Variants in PRDM11 observed in about 807,000 individuals in gnomAD.
The protein encoded by PRDM11 is PR/SET domain 11, also known as PR domain-containing protein 11.
Under a neutral mutation model 97.8 loss-of-function variants are expected in PRDM11, and 20 were observed. That is an observed-to-expected ratio of 0.20 (90% CI 0.14 to 0.30). The LOEUF (loss-of-function observed/expected upper bound fraction) is 0.30. Among genes scored for constraint, PRDM11 ranks in the 10% least tolerant of loss-of-function variants. The probability of loss-of-function intolerance (pLI) is 1.00; values close to 1 mark genes in which losing one functional copy is unlikely to be tolerated. For synonymous variants in PRDM11, 599 were observed against 637.7 expected, an observed-to-expected ratio of 0.94 and a Z score of 0.91; for missense variants, 1,139 against 1,555.2, an observed-to-expected ratio of 0.73 and a Z score of 4.50.
chr11:45,109,803 G>C (rs1390712363), intron 1 of PRDM11, among the ~76,000 whole-genome samples: 3 of 152,168 alleles, frequency 2.0e-5, no homozygotes, highest in Non-Finnish European at 4.4e-5. Flanking sequence ...AGCACTAGAT[G>C]GGGAAGGGTG....
Position 45,213,773 on chromosome 11 carries a change from A to G in PRDM11, c.555-5797A>G, listed in dbSNP as rs77274452. The G allele has an allele frequency of 2.3e-3, 1,053 of 451,796 alleles. 8 individuals are homozygous for G. The highest frequency in any genetic ancestry group is 0.019 in the African/African-American group (961 of 50,082). 28.0% of individuals were successfully genotyped at this position (451,796 alleles called of 1,614,324 possible). On this transcript the variant is annotated intron_variant, in intron 5 of 7. Coordinates refer to ENST00000683152, the MANE Select transcript of PRDM11 (RefSeq NM_001384648.1). Reference sequence around the variant, plus strand: ...GATCATTTTTATCATCATCATCTGTATAAGACAAATGACACAGCCAGTTAG... The same window carrying G: ...GATCATTTTTATCATCATCATCTGTGTAAGACAAATGACACAGCCAGTTAG...
chr11:45,145,725 T>TG (rs1397108203), upstream of PRDM11, among the ~76,000 whole-genome samples: 2 of 152,136 alleles, frequency 1.3e-5, no homozygotes, highest in Non-Finnish European at 2.9e-5. Flanking sequence ...AGGGGTTGAT[T>TG]GGGGAATGGT....
chr11:45,125,472 C>T (rs1852545340), intron 1 of PRDM11, among the ~76,000 whole-genome samples: 1 of 152,192 alleles, frequency 6.6e-6, no homozygotes, highest in Non-Finnish European at 1.5e-5. Context: ...CTCCTGTGGG[C>T]ATTTAGTGCT....
At chr11:45,137,919 T>TGCACACATACACACAC in intron 1 of PRDM11, among the ~76,000 whole-genome samples, 1 of 152,256 alleles carries the variant, frequency 6.6e-6, no homozygotes, top group South Asian at 2.1e-4. Flanking sequence ...TCTCTCTGCG[T>TGCACACATACACACAC]GCACACATAC....
chr11:45,180,710 C>G (rs1033438752), intron 1 of PRDM11, among the ~76,000 whole-genome samples: 2 of 149,760 alleles, frequency 1.3e-5, no homozygotes, highest in Non-Finnish European at 3.0e-5. Context: ...CGGGCCGGGC[C>G]GGGCAGGGAG....
intron 4 of PRDM11, among the ~76,000 whole-genome samples, chr11:45,190,772 T>G (rs1041864478): frequency 1.3e-5 from 2 of 152,150 alleles, no homozygotes; most frequent in Admixed American, 6.5e-5. Flanking sequence ...TCAAATGAAA[T>G]TTGAAAGTCA....
At chr11:45,128,902 G>C (rs558006245) in intron 1 of PRDM11, among the ~76,000 whole-genome samples, 3 of 152,170 alleles carry the variant, frequency 2.0e-5, no homozygotes, top group Admixed American at 6.5e-5. Context: ...TCACTCATAA[G>C]CATAAATGTG....
chr11:45,140,147 C>G, intron 1 of PRDM11, among the ~76,000 whole-genome samples: 1 of 152,152 alleles, frequency 6.6e-6, no homozygotes, highest in East Asian at 1.9e-4. Context: ...TGAAGATCAT[C>G]CTTTAAATTG....
chr11:45,115,176 T>C (rs1318218717), intron 1 of PRDM11, among the ~76,000 whole-genome samples: 1 of 151,992 alleles, frequency 6.6e-6, no homozygotes, highest in African/African-American at 2.4e-5. Context: ...TCTATATATA[T>C]ATAAAATAAA....
intron 1 of PRDM11, among the ~76,000 whole-genome samples, chr11:45,115,436 G>A (rs1342003521): frequency 6.6e-6 from 1 of 152,038 alleles, no homozygotes; most frequent in Non-Finnish European, 1.5e-5. Context: ...CAGCAAAATT[G>A]ATAGGCCTAT....
At chr11:45,111,028 C>T (rs551987476) in intron 1 of PRDM11, among the ~76,000 whole-genome samples, 7 of 152,092 alleles carry the variant, frequency 4.6e-5, no homozygotes, top group Admixed American at 3.3e-4. Context: ...TACCATAAAA[C>T]TCAGCTGCCA....
Position 45,219,679 on chromosome 11 carries a change from CG to C in PRDM11, c.667del (p.Val223SerfsTer8). 1 of 1,614,016 alleles carries C rather than the reference CG, an allele frequency of 6.2e-7. No individual in the cohort carries two copies. The highest frequency in any genetic ancestry group is 8.5e-7 in the Non-Finnish European group (1 of 1,180,006). On this transcript the variant is annotated frameshift_variant, in exon 6 of 8. Transcript: ENST00000683152. LOFTEE classifies it high-confidence loss of function. This position sits in a 1 kb window ranked among gnomAD's most constrained non-coding sequence, Gnocchi z 4.2. ...CRDIRPGEWL[R>X]VWYSEDYMKR... is the part of the protein sequence containing the mutation. ...GGACATCCGGCCTGGGGAGTGGCTG[CG>C]GGTCTGGTACAGCGAGGACTACATG...
chr11:45,207,961 G>C (rs1362181709), intron 5 of PRDM11, among the ~76,000 whole-genome samples: 1 of 152,164 alleles, frequency 6.6e-6, no homozygotes, highest in Admixed American at 6.5e-5. Context: ...CTAGTTAAAA[G>C]GGTGACAGAG....
Position 45,226,896 on chromosome 11 carries a change from C to T in PRDM11, c.2271C>T (p.Cys757=), listed in dbSNP as rs908279504. 1 of 1,533,952 alleles carries T rather than the reference C, an allele frequency of 6.5e-7. No individual in the cohort carries two copies. The highest frequency in any genetic ancestry group is 8.7e-7 in the Non-Finnish European group (1 of 1,146,726). ...GCAAGACGCTGCCCTGGCTGCTGTG[C>T]CTGCCCTTCATGGTGCACCGGCCCC... ...TIRKTLPWLL[C]LPFMVHRPHL... is the part of the protein sequence containing the mutation. Residue 757 remains cysteine, a synonymous_variant, in exon 8 of 8, where the codon TGC becomes TGT. Transcript: ENST00000683152.
chr11:45,154,309 T>C (rs1293956870), intron 1 of PRDM11, among the ~76,000 whole-genome samples: 1 of 152,144 alleles, frequency 6.6e-6, no homozygotes, highest in East Asian at 1.9e-4. Flanking sequence ...TGAGCTGAGA[T>C]CGCACCACTG....
At chr11:45,117,593 T>C (rs1852331184) in intron 1 of PRDM11, among the ~76,000 whole-genome samples, 1 of 151,658 alleles carries the variant, frequency 6.6e-6, no homozygotes, top group Admixed American at 6.6e-5. Flanking sequence ...CAAGAAAAAA[T>C]ATAATTAGAC....
upstream of PRDM11, among the ~76,000 whole-genome samples, chr11:45,144,371 C>A (rs1851463856): frequency 6.6e-6 from 1 of 152,210 alleles, no homozygotes; most frequent in African/African-American, 2.4e-5. Context: ...GCTGACTCCC[C>A]AGCCTGCAAT....
intron 1 of PRDM11, among the ~76,000 whole-genome samples, chr11:45,159,945 G>T (rs1350529908): frequency 6.6e-6 from 1 of 152,188 alleles, no homozygotes; most frequent in African/African-American, 2.4e-5. Flanking sequence ...GCTGGGGCAA[G>T]GTAGACTCTG....
At chr11:45,186,272 T>G (rs1852701525) in intron 4 of PRDM11, among the ~76,000 whole-genome samples, 1 of 148,030 alleles carries the variant, frequency 6.8e-6, no homozygotes, top group Non-Finnish European at 1.5e-5. Flanking sequence ...TGGATTGAGG[T>G]GGCCTGAAAT....
Sources: gnomAD v4.1 joint callset for allele counts (sites outside exome capture counted in the v4.1 genomes callset) on GRCh38, gnomAD v4.1.1 for gene constraint, Gnocchi (gnomAD v3.1) non-coding constraint, MANE v1.5 for transcripts, NCBI Gene and HGNC (gene_info 2026-07-23, HGNC 2026-07-21) for gene names.